Variants in TSPEAR observed in about 807,000 individuals in gnomAD.
TSPEAR encodes the protein thrombospondin-type laminin G domain and EAR repeat-containing protein.
In TSPEAR, 69 loss-of-function variants were observed where a neutral mutation model predicts 71.6. The ratio of observed to expected loss-of-function variants is 0.96; its 90% CI spans 0.79 to 1.18. The LOEUF (loss-of-function observed/expected upper bound fraction) is 1.18. Ranked by LOEUF, TSPEAR falls within the 50% of genes most tolerant of loss-of-function variation. TSPEAR has a pLI of 0.00. For synonymous variants in TSPEAR, 402 were observed against 387.2 expected (o/e 1.04, Z -0.45); for missense variants, 971 against 894.9 (o/e 1.09, Z -1.09).
chr21:44,607,640 A>G (rs1178524120), intron 1 of TSPEAR, among the ~76,000 whole-genome samples: 1 of 152,216 alleles, frequency 6.6e-6, no homozygotes, highest in Middle Eastern at 3.2e-3. Context: ...GCGTCTCTTC[A>G]TCAAATGATA....
intron 1 of TSPEAR, among the ~76,000 whole-genome samples, chr21:44,704,927 A>G (rs34163868): frequency 0.22 from 33,430 of 151,694 alleles, 4,346 homozygotes; most frequent in Admixed American, 0.31. Context: ...CCCCGCCCAG[A>G]CGCACTGACC....
intron 1 of TSPEAR, among the ~76,000 whole-genome samples, chr21:44,628,704 G>C (rs1983062230): frequency 6.6e-6 from 1 of 152,112 alleles, no homozygotes; most frequent in African/African-American, 2.4e-5. Flanking sequence ...GGGGGTGGCA[G>C]GCCCCAGCTG....
At chr21:44,675,066 C>T (rs1461300735) in intron 1 of TSPEAR, among the ~76,000 whole-genome samples, 4 of 152,066 alleles carry the variant, frequency 2.6e-5, no homozygotes, top group Non-Finnish European at 4.4e-5. Context: ...CTCTTCTTAA[C>T]TCACTCTATG....
chr21:44,578,415 C>G lies in TSPEAR; in HGVS notation c.83-10410G>C, dbSNP rs192590787. 2.6e-5 allele frequency among the ~76,000 whole-genome samples: 4 copies of G among 152,318 alleles called. No homozygotes were observed. The East Asian group carries it at 5.8e-4, about 22-fold the overall frequency. ...ATAATTAAAACCCTTCCCACAGAGACAATGCCAATCCCGAATGGCTTTGCC... is the reference window on the plus strand; with the variant it reads ...ATAATTAAAACCCTTCCCACAGAGAGAATGCCAATCCCGAATGGCTTTGCC... On this transcript the variant is annotated intron_variant, in intron 1 of 11. Transcript: ENST00000323084.
chr21:44,688,845 G>T (rs534574549), intron 1 of TSPEAR, among the ~76,000 whole-genome samples: 1 of 152,218 alleles, frequency 6.6e-6, no homozygotes, highest in Non-Finnish European at 1.5e-5. Flanking sequence ...GGGGAGGGCT[G>T]CAGTGGAGAG....
chr21:44,654,159 G>C (rs587765823), intron 1 of TSPEAR: 15 of 774,928 alleles, frequency 1.9e-5, no homozygotes, highest in Middle Eastern at 3.8e-4. Context: ...GGAGGCAGGC[G>C]GTCTAGTCAG....
rs782315930 is a variant in TSPEAR, at chr21:44,525,722, T to A, written c.1267A>T (p.Ser423Cys). The A allele has an allele frequency of 6.2e-7, 1 of 1,614,196 alleles. No individual in the cohort carries two copies. The highest frequency in any genetic ancestry group is 8.5e-7 in the Non-Finnish European group (1 of 1,180,036). The change falls in exon 8 of 12, where the codon AGC becomes TGC. Residue 423 changes from serine (S) to cysteine (C), a missense_variant. Coordinates refer to ENST00000323084, the MANE Select transcript of TSPEAR (RefSeq NM_144991.3). ...FTPYQSIATH[S>C]ARDWEAFEVD... The stretch of plus-strand genomic sequence containing the variant: ...TCGAAGGCCTCCCAGTCTCGGGCGC[T>A]GTGTGTGGCAATGCTCTGATATGGG...
intron 2 of TSPEAR, chr21:44,540,101 C>CA (rs1352538548): frequency 6.2e-7 from 1 of 1,613,648 alleles, no homozygotes; most frequent in Non-Finnish European, 8.5e-7. Flanking sequence ...ATCCACCTGC[C>CA]AGGAGTCGGA....
At chr21:44,676,171 T>C in intron 1 of TSPEAR, 1 of 1,161,180 alleles carries the variant, frequency 8.6e-7, no homozygotes, top group South Asian at 1.2e-5. Flanking sequence ...GAAGAAGTAC[T>C]GGTACAAGCT....
intron 8 of TSPEAR, among the ~76,000 whole-genome samples, chr21:44,522,373 C>A (rs1366930432): frequency 6.6e-6 from 1 of 152,254 alleles, no homozygotes; most frequent in East Asian, 1.9e-4. Flanking sequence ...AGGTGTACAT[C>A]TCCATGGCCT....
At chr21:44,572,993 G>C (rs1555922860) in intron 1 of TSPEAR, among the ~76,000 whole-genome samples, 1 of 151,936 alleles carries the variant, frequency 6.6e-6, no homozygotes, top group African/African-American at 2.4e-5. Context: ...GGGTGAGACA[G>C]TGCCCCTCGC....
chr21:44,508,888 G>T (rs1555912230), intron 10 of TSPEAR: 6 of 1,461,840 alleles, frequency 4.1e-6, no homozygotes, highest in African/African-American at 1.4e-5. Context: ...CGCACGACGG[G>T]CATGAAGCCC....
chr21:44,503,856 G>T (rs1400778055), intron 11 of TSPEAR, among the ~76,000 whole-genome samples: 5 of 137,926 alleles, frequency 3.6e-5, no homozygotes, highest in African/African-American at 5.6e-5. Flanking sequence ...GTGAGCCCTT[G>T]GGGGGAAGCC....
intron 1 of TSPEAR, among the ~76,000 whole-genome samples, chr21:44,609,961 T>C (rs1256960922): frequency 2.0e-5 from 3 of 152,006 alleles, no homozygotes; most frequent in Non-Finnish European, 4.4e-5. Flanking sequence ...AAATTGAAAA[T>C]GCAAGAAATA....
rs367811404 is a variant in TSPEAR at position 44,549,844 on chromosome 21, G to C, written c.304-15921C>G. On this transcript the variant is annotated intron_variant, in intron 2 of 11. Coordinates refer to ENST00000323084, the MANE Select transcript of TSPEAR (RefSeq NM_144991.3). ...CCCAGCACACGGAGCTCTGGAGGCC[G>C]CGTCTCTGTTCTCTGCTCTGCATCC... Among the ~76,000 whole-genome samples the C allele has an allele frequency of 1.6e-4, 24 of 152,328 alleles. 1 individual carries two copies. In the East Asian group the frequency reaches 1.7e-3, roughly 11 times the overall value.
At chr21:44,628,331 C>G (rs587626492) in intron 1 of TSPEAR, 18 of 383,182 alleles carry the variant, frequency 4.7e-5, no homozygotes, top group East Asian at 3.4e-4. Flanking sequence ...TCACCCCCAG[C>G]AGCGTCACCC....
At chr21:44,518,690 C>T (rs2276253) in intron 9 of TSPEAR, 4 of 470,704 alleles carry the variant, frequency 8.5e-6, no homozygotes, top group Admixed American at 7.0e-5. Flanking sequence ...CCAGCTCATT[C>T]GTTAGATGAT....
chr21:44,514,979 T>C (rs1224441272), intron 9 of TSPEAR, among the ~76,000 whole-genome samples: 1 of 152,110 alleles, frequency 6.6e-6, no homozygotes, highest in Non-Finnish European at 1.5e-5. Context: ...CCTGTGTTTC[T>C]GGGAGAAAGT....
At chr21:44,610,571 C>T (rs1555930602) in intron 1 of TSPEAR, among the ~76,000 whole-genome samples, 3 of 152,362 alleles carry the variant, frequency 2.0e-5, no homozygotes, top group African/African-American at 7.2e-5. Context: ...CATGGAGAAC[C>T]TCTGCTACGG....
Sources: allele counts gnomAD v4.1 joint callset (sites outside exome capture counted in the v4.1 genomes callset), GRCh38; gene constraint gnomAD v4.1.1; transcripts MANE v1.5; gene names NCBI Gene and HGNC (gene_info 2026-07-23, HGNC 2026-07-21).